The following ANKRD6 variants were observed in gnomAD, a reference collection of about 807,000 sequenced individuals.
ANKRD6 encodes ankyrin repeat domain 6.
In ANKRD6, 56 loss-of-function variants were observed where a neutral mutation model predicts 82.3. The ratio of observed to expected loss-of-function variants is 0.68; its 90% CI spans 0.55 to 0.85. The LOEUF (loss-of-function observed/expected upper bound fraction) is 0.85. Ranked by LOEUF, ANKRD6 falls within the 40% of genes least tolerant of loss-of-function variation. ANKRD6 has a pLI of 0.00. For synonymous variants in ANKRD6, 347 were observed against 352.1 expected (o/e 0.99, Z 0.16); for missense variants, 852 against 907.6 (o/e 0.94, Z 0.79).
chr6:89,576,559 C>T (rs772019538), intron 2 of ANKRD6, among the ~76,000 whole-genome samples: 3 of 152,184 alleles, frequency 2.0e-5, no homozygotes, highest in Non-Finnish European at 4.4e-5. Flanking sequence ...CTTCCCTCAT[C>T]TAGACAATAT....
intron 1 of ANKRD6, among the ~76,000 whole-genome samples, chr6:89,467,570 A>G (rs555738803): frequency 6.6e-6 from 1 of 152,334 alleles, no homozygotes; most frequent in Non-Finnish European, 1.5e-5. Context: ...GTAGCTCCCC[A>G]TGTAGATCAA....
rs562481481 is a variant in ANKRD6, at chr6:89,478,935, T to G, written c.-144+45560T>G. Among the ~76,000 whole-genome samples the G allele has an allele frequency of 1.9e-4, 29 of 152,276 alleles. 1 individual carries two copies. The South Asian group carries it at 4.6e-3, about 24-fold the overall frequency. On this transcript the variant is annotated intron_variant, in intron 1 of 15. Transcript: ENST00000339746. The stretch of plus-strand genomic sequence containing the variant: ...AGCCCTCGGAAGTAGCCTACCCTGC[T>G]GACACCTTTATTTCAGATTTCTAGC...
intron 9 of ANKRD6, among the ~76,000 whole-genome samples, chr6:89,620,782 G>A (rs890780803): frequency 1.3e-5 from 2 of 152,114 alleles, no homozygotes; most frequent in South Asian, 2.1e-4. Context: ...AAATAAAGAC[G>A]AGGCCGGGTG....
rs200081437 is a variant in ANKRD6 at position 89,511,949 on chromosome 6, AT to A, written c.-143-54875del. On this transcript the variant is annotated intron_variant, in intron 1 of 15. Coordinates refer to ENST00000339746, the MANE Select transcript of ANKRD6 (RefSeq NM_001242809.2). ...TTTAATTTTTAAAAACATTAAAAAA[AT>A]TTTTTTTTTGTAGAGACAAGGTCTC... is the stretch of plus-strand genomic sequence containing the variant. Among the ~76,000 whole-genome samples the A allele has an allele frequency of 2.7e-3, 413 of 150,550 alleles. 1 individual carries two copies. Among genetic ancestry groups the A allele is most frequent in the South Asian group, 0.011 (54 of 4,746 alleles).
intron 1 of ANKRD6, among the ~76,000 whole-genome samples, chr6:89,541,387 CTTTTTT>C (rs58643589): frequency 7.8e-5 from 5 of 64,102 alleles, no homozygotes; most frequent in East Asian, 4.9e-4. Flanking sequence ...TTACGTGTGG[CTTTTTT>C]TTTTTTTTTT....
At chr6:89,620,709 G>A (rs979970393) in intron 9 of ANKRD6, among the ~76,000 whole-genome samples, 3 of 152,154 alleles carry the variant, frequency 2.0e-5, no homozygotes, top group Non-Finnish European at 4.4e-5. Context: ...CTGCATGCCA[G>A]CCACCTATTT....
rs144315435 is a variant in ANKRD6 at position 89,464,380 on chromosome 6, A to G, written c.-144+31005A>G. Among the ~76,000 whole-genome samples, 1,188 of 152,340 alleles carry G rather than the reference A, an allele frequency of 7.8e-3. 18 individuals carry two copies. The highest frequency in any genetic ancestry group is 0.027 in the African/African-American group (1,110 of 41,578). Reference sequence around the variant, plus strand: ...CTTAATATTTTTCCCTCTAGGATACAGAAAACGTTTCTTTAGTCCCTTCCA... The same window carrying G: ...CTTAATATTTTTCCCTCTAGGATACGGAAAACGTTTCTTTAGTCCCTTCCA... On this transcript the variant is annotated intron_variant, in intron 1 of 15. Coordinates refer to ENST00000339746, the MANE Select transcript of ANKRD6 (RefSeq NM_001242809.2).
chr6:89,518,534 G>A (rs1211111732), intron 1 of ANKRD6, among the ~76,000 whole-genome samples: 2 of 152,144 alleles, frequency 1.3e-5, no homozygotes, highest in Non-Finnish European at 2.9e-5. Flanking sequence ...AAGCTTCCCT[G>A]AGGAAGAAAT....
intron 1 of ANKRD6, among the ~76,000 whole-genome samples, chr6:89,462,944 G>A (rs569055001): frequency 4.0e-5 from 6 of 149,334 alleles, no homozygotes; most frequent in African/African-American, 1.5e-4. Flanking sequence ...ATCAGAGCTC[G>A]CTCAAACTCC....
intron 1 of ANKRD6, among the ~76,000 whole-genome samples, chr6:89,540,904 T>C (rs1205808229): frequency 1.3e-5 from 2 of 152,202 alleles, no homozygotes; most frequent in Non-Finnish European, 2.9e-5. Flanking sequence ...AGTATATGTT[T>C]TTGGCACCTT....
At chr6:89,588,224 G>C (rs1293777876) in intron 2 of ANKRD6, among the ~76,000 whole-genome samples, 42 of 152,168 alleles carry the variant, frequency 2.8e-4, no homozygotes, top group Admixed American at 2.7e-3. Context: ...TGGAGGTATT[G>C]AGAATTCATT....
At chr6:89,505,466 G>GA (rs1336371299) in intron 1 of ANKRD6, among the ~76,000 whole-genome samples, 1 of 152,168 alleles carries the variant, frequency 6.6e-6, no homozygotes, top group Non-Finnish European at 1.5e-5. Flanking sequence ...CCAGAAGAGT[G>GA]AAGATCTGGT....
At chr6:89,546,741 G>A (rs1785146056) in intron 1 of ANKRD6, among the ~76,000 whole-genome samples, 1 of 152,098 alleles carries the variant, frequency 6.6e-6, no homozygotes, top group Non-Finnish European at 1.5e-5. Context: ...GGGATTATAG[G>A]TATGAGCCTT....
chr6:89,571,692 C>T (rs1583367328), intron 2 of ANKRD6, among the ~76,000 whole-genome samples: 1 of 152,240 alleles, frequency 6.6e-6, no homozygotes, highest in East Asian at 1.9e-4. Context: ...CGCCCCTAAA[C>T]ATGTTTAACC....
intron 1 of ANKRD6, among the ~76,000 whole-genome samples, chr6:89,548,891 C>T (rs1021567921): frequency 6.6e-6 from 1 of 152,124 alleles, no homozygotes; most frequent in African/African-American, 2.4e-5. Context: ...ATGTTTGTCC[C>T]TTCCAAAACT....
intron 1 of ANKRD6, among the ~76,000 whole-genome samples, chr6:89,532,066 C>A (rs1783219481): frequency 6.6e-6 from 1 of 152,180 alleles, no homozygotes; most frequent in South Asian, 2.1e-4. Context: ...TTATCTCTTG[C>A]TTGGGAGAGG....
intron 14 of ANKRD6, 78 bp downstream of exon 14, chr6:89,627,774 A>C: frequency 7.6e-7 from 1 of 1,319,486 alleles, no homozygotes; most frequent in Middle Eastern, 1.9e-4. Context: ...CCTGCCACTG[A>C]AAACTCAGAG....
chr6:89,594,449 G>A (rs1209588774), intron 2 of ANKRD6, among the ~76,000 whole-genome samples: 2 of 98,454 alleles, frequency 2.0e-5, no homozygotes, highest in Admixed American at 1.1e-4. Flanking sequence ...GTGAGACCCT[G>A]TCTCAAAGAA....
rs144055700 is a variant in ANKRD6 at position 89,443,274 on chromosome 6, G to T, written c.-144+9899G>T. Among the ~76,000 whole-genome samples, 572 of 152,166 alleles carry T rather than the reference G, an allele frequency of 3.8e-3. 5 individuals carry two copies. The highest frequency in any genetic ancestry group is 0.013 in the African/African-American group (541 of 41,514). ...TCTTTGGAATTCTTTGACCCGGGTG[G>T]GGGTGAAGAGGATCCATTCAGTTGG... On this transcript the variant is annotated intron_variant, in intron 1 of 15. Transcript: ENST00000339746.
Sources: allele counts gnomAD v4.1 joint callset (sites outside exome capture counted in the v4.1 genomes callset), GRCh38; gene constraint gnomAD v4.1.1; transcripts MANE v1.5; gene names NCBI Gene and HGNC (gene_info 2026-07-23, HGNC 2026-07-21).